ARID2: variants seen among roughly 807,000 people sequenced by gnomAD.
The protein encoded by ARID2 is AT-rich interactive domain-containing protein 2.
Under a neutral mutation model 184.6 loss-of-function variants are expected in ARID2, and 32 were observed. That is an observed-to-expected ratio of 0.17 (90% confidence interval 0.13 to 0.23). ARID2 has a LOEUF of 0.23. Among genes scored for constraint, ARID2 ranks in the 10% least tolerant of loss-of-function variants. ARID2 has a pLI of 1.00. For missense variants in ARID2, 1,696 were observed against 2,197.6 expected, an observed-to-expected ratio of 0.77 and a Z score of 4.56; for synonymous variants, 836 against 772.6, an observed-to-expected ratio of 1.08 and a Z score of -1.36.
chr12:45,803,172 G>A (rs1942538433), intron 3 of ARID2, among the ~76,000 whole-genome samples: 1 of 151,988 alleles, frequency 6.6e-6, no homozygotes, highest in African/African-American at 2.4e-5. Context: ...TGTGAATTTT[G>A]TTTTTGAAAG....
In ARID2 at chr12:45,850,838, A is replaced by G. The variant is rs777408532; in HGVS notation, c.2715A>G (p.Gln905=). ...NIAPKPLPSQ[Q]VSSTVVQQPI... ...CACCAAAACCTCTCCCTTCTCAGCA[A>G]GTTTCATCTACAGTGGTACAGCAGC... The change falls in exon 15 of 21, where the codon CAA becomes CAG. Residue 905 remains glutamine, a synonymous_variant. Transcript: ENST00000334344. 3.1e-6 allele frequency: 5 copies of G among 1,614,138 alleles called. No individual in the cohort carries two copies. The highest frequency in any genetic ancestry group is 2.2e-5 in the East Asian group (1 of 44,888).
At chr12:45,804,409 A>G (rs1004804858) in intron 3 of ARID2, among the ~76,000 whole-genome samples, 3 of 151,994 alleles carry the variant, frequency 2.0e-5, no homozygotes, top group African/African-American at 7.2e-5. Context: ...CTGGACTTCC[A>G]CAATAAAATC....
At chr12:45,861,031 T>G in intron 16 of ARID2, 82 bp downstream of exon 16, 1 of 1,295,040 alleles carries the variant, frequency 7.7e-7, no homozygotes, top group Non-Finnish European at 1.0e-6. Context: ...CATCTATAGT[T>G]GCATGAAAAT....
At position 45,837,357 on chromosome 12, in the gene ARID2, C is replaced by G. The variant is rs1438827862; in HGVS notation, c.1060C>G (p.Leu354Val). ...CCCTGTTGATTTCAAAACTACTCAT[C>G]TGATGTTTCATACTGTTACAAAATG... ...LDPVDFKTTHLMFHTVTKCLM... is the reference protein window; with the variant it reads ...LDPVDFKTTHVMFHTVTKCLM... Residue 354 changes from leucine (L) to valine (V), a missense_variant, in exon 9 of 21, where the codon CTG becomes GTG. By Grantham distance (32) the Leu-to-Val change is conservative (BLOSUM62 1). Transcript: ENST00000334344. 6.2e-7 allele frequency: 1 copy of G among 1,611,484 alleles called. No homozygotes were observed. Among genetic ancestry groups the G allele is most frequent in the Non-Finnish European group, 8.5e-7 (1 of 1,179,312 alleles).
chr12:45,849,085 T>A, intron 13 of ARID2, 115 bp downstream of exon 13: 2 of 1,209,378 alleles, frequency 1.7e-6, no homozygotes, highest in Non-Finnish European at 2.3e-6. Flanking sequence ...CTACTAGAAG[T>A]TTCGTATGGA....
intron 16 of ARID2, among the ~76,000 whole-genome samples, chr12:45,865,660 T>C (rs1231396672): frequency 6.6e-6 from 1 of 152,178 alleles, no homozygotes; most frequent in African/African-American, 2.4e-5. Context: ...AGTTTCCATT[T>C]AAATCTTATA....
chr12:45,897,762 A>G (rs1944388444), intron 20 of ARID2, among the ~76,000 whole-genome samples: 1 of 152,190 alleles, frequency 6.6e-6, no homozygotes, highest in South Asian at 2.1e-4. Flanking sequence ...GCAATGGAAT[A>G]TTACTCAGTA....
intron 3 of ARID2, among the ~76,000 whole-genome samples, chr12:45,736,746 A>T (rs1390024163): frequency 6.6e-6 from 1 of 152,246 alleles, no homozygotes; most frequent in African/African-American, 2.4e-5. Flanking sequence ...ATATATTTCC[A>T]TGAAAAGAAG....
intron 3 of ARID2, among the ~76,000 whole-genome samples, chr12:45,769,319 CA>C (rs1941826758): frequency 1.3e-5 from 2 of 151,954 alleles, no homozygotes; most frequent in South Asian, 2.1e-4. Flanking sequence ...AATTTTTTAT[CA>C]AATAGAGAAT....
chr12:45,904,880 A>C, intron 20 of ARID2, 54 bp from the exon 21 acceptor site: 1 of 1,589,370 alleles, frequency 6.3e-7, no homozygotes, highest in Non-Finnish European at 8.6e-7. Context: ...TTCATGATAA[A>C]GAGTCATCGC....
At chr12:45,834,440 C>G (rs1320178975) in intron 6 of ARID2, among the ~76,000 whole-genome samples, 1 of 152,154 alleles carries the variant, frequency 6.6e-6, no homozygotes, top group Non-Finnish European at 1.5e-5. Flanking sequence ...TTAAAAAATT[C>G]TATGTTGGCA....
chr12:45,834,620 A>G (rs990776249), intron 6 of ARID2, among the ~76,000 whole-genome samples: 3 of 152,122 alleles, frequency 2.0e-5, no homozygotes, highest in African/African-American at 7.2e-5. Flanking sequence ...GCACGCACCT[A>G]TAATCCCAGC....
chr12:45,849,531 G>C lies in ARID2; in HGVS notation c.1716-49G>C, dbSNP rs746916210. The C allele has an allele frequency of 1.1e-5, 16 of 1,450,742 alleles. 1 individual carries two copies. The South Asian group carries it at 1.8e-4, about 17-fold the overall frequency. The allele number at this position is 1,450,742 out of a possible 1,614,324, so 89.9% of individuals were successfully genotyped here. ...TGTTCATGTAAACATAATGTTAGAA[G>C]TCAATGTGATAGTTATCAAAACTTA... On this transcript the variant is annotated intron_variant, in intron 13 of 20. Coordinates refer to ENST00000334344, the MANE Select transcript of ARID2 (RefSeq NM_152641.4).
Position 45,829,801 on chromosome 12 carries a change from C to CT in ARID2, c.706-6772dup, listed in dbSNP as rs774087811. Among the ~76,000 whole-genome samples, 67 of 91,272 alleles carry CT rather than the reference C, an allele frequency of 7.3e-4. 1 individual carries two copies. The highest frequency in any genetic ancestry group is 1.3e-3 in the East Asian group (4 of 3,170). 59.9% of individuals were successfully genotyped at this position (91,272 alleles called of 152,430 possible). ...TTTCTTCTAGGTTATCTTTCTTCTTCTTTTTTTTTTTTTTTTAATCAATTT... is the reference window on the plus strand; with the variant it reads ...TTTCTTCTAGGTTATCTTTCTTCTTCTTTTTTTTTTTTTTTTTAATCAATTT... On this transcript the variant is annotated intron_variant, in intron 6 of 20. Transcript: ENST00000334344.
chr12:45,736,722 T>C (rs1479820725), intron 3 of ARID2, among the ~76,000 whole-genome samples: 1 of 152,218 alleles, frequency 6.6e-6, no homozygotes, highest in African/African-American at 2.4e-5. Flanking sequence ...AACACTAGTT[T>C]TCCAGAAATG....
chr12:45,896,340 T>G (rs572242630), intron 20 of ARID2, among the ~76,000 whole-genome samples: 1 of 152,258 alleles, frequency 6.6e-6, no homozygotes, highest in Admixed American at 6.5e-5. Context: ...AAAGTCAGTT[T>G]TCCAAAAGAA....
chr12:45,906,343 A>G lies in ARID2; in HGVS notation c.*1265A>G, dbSNP rs1197023919. 4.3e-6 allele frequency: 1 copy of G among 233,006 alleles called. No homozygotes were observed. Among genetic ancestry groups the G allele is most frequent in the African/African-American group, 2.2e-5 (1 of 45,268 alleles). 14.4% of individuals were successfully genotyped at this position (233,006 alleles called of 1,614,324 possible). A position where few individuals can be genotyped will look rare whatever the true frequency, so the allele number is the denominator to read the frequency against. On this transcript the variant is annotated 3_prime_UTR_variant, in exon 21 of 21. Coordinates refer to ENST00000334344, the MANE Select transcript of ARID2 (RefSeq NM_152641.4). ...TTCCTTAAATTGTCTTTTTTCCCCC[A>G]GCGTGAAATGTATCCATTTATAACT...
At chr12:45,792,885 A>C (rs895896661) in intron 3 of ARID2, among the ~76,000 whole-genome samples, 3 of 152,234 alleles carry the variant, frequency 2.0e-5, no homozygotes. Flanking sequence ...ACATTTTAAA[A>C]TTTCAACCTT....
chr12:45,802,722 G>T (rs943463885), intron 3 of ARID2, among the ~76,000 whole-genome samples: 1 of 151,896 alleles, frequency 6.6e-6, no homozygotes, highest in African/African-American at 2.4e-5. Flanking sequence ...GAAACACTGT[G>T]TGGTAAAGAA....
Sources: allele counts gnomAD v4.1 joint callset (sites outside exome capture counted in the v4.1 genomes callset), GRCh38; gene constraint gnomAD v4.1.1; transcripts MANE v1.5; gene names NCBI Gene and HGNC (gene_info 2026-07-23, HGNC 2026-07-21).